Variants in FAR2 observed in about 807,000 individuals in gnomAD.
The protein encoded by FAR2 is epididymis secretory protein Li 81.
In FAR2, 19 loss-of-function variants were observed where a neutral mutation model predicts 56.0. The observed-to-expected ratio is 0.34, with a 90% CI of 0.24 to 0.50. FAR2 has a LOEUF of 0.50. Among genes scored for constraint, FAR2 ranks in the 20% least tolerant of loss-of-function variants. The probability of loss-of-function intolerance (pLI) is 0.98; values close to 1 mark genes in which losing one functional copy is unlikely to be tolerated. For missense variants in FAR2, 508 were observed against 642.2 expected (o/e 0.79, Z 2.26); for synonymous variants, 219 against 218.8 (o/e 1.00, Z -0.01).
At chr12:29,210,823 G>C (rs1947537454) in intron 1 of FAR2, among the ~76,000 whole-genome samples, 1 of 152,030 alleles carries the variant, frequency 6.6e-6, no homozygotes, top group East Asian at 1.9e-4. Context: ...GCGGTGGCAT[G>C]GGCCTGTAGT....
intron 1 of FAR2, 66 bp downstream of exon 1, chr12:29,149,473 G>C (rs998224208): frequency 6.6e-6 from 1 of 152,384 alleles, no homozygotes; most frequent in Non-Finnish European, 1.5e-5. Flanking sequence ...AGACCGGACT[G>C]GGGGTGGCCC....
In FAR2 at chr12:29,305,873, CT is replaced by C. The variant is rs1179546231; in HGVS notation, c.546-1784del. Among the ~76,000 whole-genome samples, 18 of 152,262 alleles carry C rather than the reference CT, an allele frequency of 1.2e-4. No individual in the cohort carries two copies. In the East Asian group the frequency reaches 3.5e-3, roughly 29 times the overall value. ...AAACTCACCAAGCTTTATAAGGCCCCTATCCCCCCAAATATTATCCTTTCCA... is the reference window on the plus strand; with the variant it reads ...AAACTCACCAAGCTTTATAAGGCCCCATCCCCCCAAATATTATCCTTTCCA... On this transcript the variant is annotated intron_variant, in intron 4 of 11. Transcript: ENST00000536681.
At chr12:29,211,558 A>G (rs1244272250) in intron 1 of FAR2, among the ~76,000 whole-genome samples, 4 of 152,186 alleles carry the variant, frequency 2.6e-5, no homozygotes, top group Admixed American at 2.6e-4. Context: ...GTCAGAATGC[A>G]GGTTTTTCTG....
intron 5 of FAR2, 75 bp downstream of exon 5, chr12:29,307,910 T>G (rs531373123): frequency 1.4e-6 from 2 of 1,428,344 alleles, no homozygotes; most frequent in Non-Finnish European, 1.9e-6. Flanking sequence ...TTCTGATGTC[T>G]TTCTTCTTCT....
chr12:29,301,145 A>C (rs1287321566), intron 4 of FAR2, among the ~76,000 whole-genome samples: 1 of 152,190 alleles, frequency 6.6e-6, no homozygotes, highest in African/African-American at 2.4e-5. Context: ...CAGAAAGATG[A>C]AGTTAGTACA....
intron 2 of FAR2, among the ~76,000 whole-genome samples, chr12:29,272,217 A>C (rs919190854): frequency 3.9e-5 from 6 of 152,170 alleles, no homozygotes; most frequent in African/African-American, 1.4e-4. Context: ...ATAATATCCT[A>C]AAATGTGTTT....
chr12:29,263,838 C>T (rs939192291), intron 1 of FAR2, among the ~76,000 whole-genome samples: 1 of 151,838 alleles, frequency 6.6e-6, no homozygotes, highest in African/African-American at 2.4e-5. Context: ...CAAAGAAAAG[C>T]TCATTATTTG....
intron 4 of FAR2, among the ~76,000 whole-genome samples, chr12:29,304,856 C>T (rs928394244): frequency 1.3e-5 from 2 of 152,102 alleles, no homozygotes; most frequent in African/African-American, 2.4e-5. Context: ...TACTGGAGGA[C>T]ATTTAGATTA....
intron 1 of FAR2, among the ~76,000 whole-genome samples, chr12:29,246,722 C>G (rs1490136916): frequency 6.6e-6 from 1 of 152,126 alleles, no homozygotes; most frequent in Non-Finnish European, 1.5e-5. Flanking sequence ...GTAGCTACTA[C>G]TCACAGTTTA....
intron 1 of FAR2, among the ~76,000 whole-genome samples, chr12:29,239,358 T>C (rs1371070098): frequency 6.6e-6 from 1 of 152,094 alleles, no homozygotes; most frequent in African/African-American, 2.4e-5. Context: ...CCCTTTCCAT[T>C]TCCTAAGAGC....
chr12:29,273,289 G>A (rs555041330), intron 2 of FAR2, among the ~76,000 whole-genome samples: 1 of 152,284 alleles, frequency 6.6e-6, no homozygotes, highest in East Asian at 1.9e-4. Flanking sequence ...CTCCCCTTAG[G>A]GGCTCAGGAC....
chr12:29,190,190 C>T (rs180975343), intron 1 of FAR2, among the ~76,000 whole-genome samples: 1,563 of 152,178 alleles, frequency 0.01, 19 homozygotes, highest in Non-Finnish European at 0.013. Context: ...TGAGCGGGCA[C>T]ACCTAGGAGT....
At chr12:29,302,175 A>AGC (rs1949179836) in intron 4 of FAR2, 1 of 144,512 alleles carries the variant, frequency 6.9e-6, no homozygotes, top group Non-Finnish European at 1.5e-5. Flanking sequence ...GCTTGAAGTG[A>AGC]GCCGAGAGAT....
intron 1 of FAR2, among the ~76,000 whole-genome samples, chr12:29,214,328 G>C (rs1947593485): frequency 6.6e-6 from 1 of 152,060 alleles, no homozygotes; most frequent in South Asian, 2.1e-4. Flanking sequence ...TAAATGAAGA[G>C]AAAAAAATTA....
intron 1 of FAR2, among the ~76,000 whole-genome samples, chr12:29,195,135 A>G (rs1387984123): frequency 1.3e-5 from 2 of 152,314 alleles, no homozygotes; most frequent in South Asian, 2.1e-4. Flanking sequence ...TCTTCAAAAC[A>G]TTATTTGATG....
At chr12:29,208,465 C>G (rs1177516713) in intron 1 of FAR2, among the ~76,000 whole-genome samples, 1 of 152,208 alleles carries the variant, frequency 6.6e-6, no homozygotes, top group Non-Finnish European at 1.5e-5. Flanking sequence ...TGTAACCTTT[C>G]TTAAGGTGTG....
At chr12:29,310,463 T>A (rs1295585970) in intron 6 of FAR2, among the ~76,000 whole-genome samples, 1 of 152,130 alleles carries the variant, frequency 6.6e-6, no homozygotes, top group Non-Finnish European at 1.5e-5. Context: ...ACTAAGATAC[T>A]GAATAAAAAG....
chr12:29,294,860 T>C (rs931961930), intron 3 of FAR2, among the ~76,000 whole-genome samples: 2 of 152,144 alleles, frequency 1.3e-5, no homozygotes, highest in Non-Finnish European at 2.9e-5. Context: ...GATGTGAAAG[T>C]AAAGCAGCTT....
intron 1 of FAR2, among the ~76,000 whole-genome samples, chr12:29,241,309 C>T (rs1948030635): frequency 6.6e-6 from 1 of 151,848 alleles, no homozygotes; most frequent in Non-Finnish European, 1.5e-5. Context: ...TCTAATATTG[C>T]TGTGGCTTTC....
Sources: allele counts gnomAD v4.1 joint callset (sites outside exome capture counted in the v4.1 genomes callset), GRCh38; gene constraint gnomAD v4.1.1; transcripts MANE v1.5; gene names NCBI Gene and HGNC (gene_info 2026-07-23, HGNC 2026-07-21).